Variants in IGF1R observed in about 807,000 individuals in gnomAD.
The protein encoded by IGF1R is insulin-like growth factor 1 receptor.
In IGF1R, 44 loss-of-function variants were observed where a neutral mutation model predicts 144.6. The ratio of observed to expected loss-of-function variants is 0.30; its 90% CI spans 0.24 to 0.39. IGF1R has a LOEUF of 0.39. Among genes scored for constraint, IGF1R ranks in the 10% least tolerant of loss-of-function variants. The probability of loss-of-function intolerance (pLI) is 1.00; values close to 1 mark genes in which losing one functional copy is unlikely to be tolerated. For missense variants in IGF1R, 1,355 were observed against 1,833.7 expected, an observed-to-expected ratio of 0.74 and a Z score of 4.77; for synonymous variants, 795 against 722.8, an observed-to-expected ratio of 1.10 and a Z score of -1.60.
chr15:98,859,102 T>C (rs1172260924), intron 2 of IGF1R, among the ~76,000 whole-genome samples: 2 of 151,984 alleles, frequency 1.3e-5, no homozygotes, highest in Non-Finnish European at 2.9e-5. Flanking sequence ...AAGTCCAAAC[T>C]TTTTTTGGAC....
chr15:98,951,749 A>G (rs2016783335), intron 20 of IGF1R, among the ~76,000 whole-genome samples: 1 of 151,266 alleles, frequency 6.6e-6, no homozygotes, highest in South Asian at 2.1e-4. Context: ...GTGTCTCAGG[A>G]TGTGTAGCTG....
chr15:98,769,711 A>C (rs1194431001), intron 2 of IGF1R, among the ~76,000 whole-genome samples: 1 of 152,250 alleles, frequency 6.6e-6, no homozygotes, highest in Admixed American at 6.5e-5. Flanking sequence ...ACTTATCGAC[A>C]GTTCCGTTGT....
chr15:98,671,485 A>C (rs1199730312), intron 1 of IGF1R, among the ~76,000 whole-genome samples: 1 of 152,168 alleles, frequency 6.6e-6, no homozygotes, highest in Non-Finnish European at 1.5e-5. Flanking sequence ...TTATAGGGGC[A>C]AGATTTGTGT....
intron 13 of IGF1R, among the ~76,000 whole-genome samples, chr15:98,925,635 G>A (rs887459310): frequency 6.6e-6 from 1 of 152,238 alleles, no homozygotes; most frequent in African/African-American, 2.4e-5. Context: ...GGGTGCAGTG[G>A]CTCACGCCTG....
intron 15 of IGF1R, among the ~76,000 whole-genome samples, chr15:98,934,346 C>T (rs148259805): frequency 6.6e-6 from 1 of 152,228 alleles, no homozygotes; most frequent in East Asian, 1.9e-4. Flanking sequence ...TTTCCCGACC[C>T]AGCATAAGAA....
At chr15:98,673,456 C>G (rs1409047922) in intron 1 of IGF1R, among the ~76,000 whole-genome samples, 1 of 152,150 alleles carries the variant, frequency 6.6e-6, no homozygotes, top group African/African-American at 2.4e-5. Flanking sequence ...GAGGCTCTCT[C>G]AATAATAGAA....
chr15:98,856,345 T>C (rs1443609328), intron 2 of IGF1R, among the ~76,000 whole-genome samples: 1 of 152,250 alleles, frequency 6.6e-6, no homozygotes, highest in Non-Finnish European at 1.5e-5. Context: ...TTTCTGACTA[T>C]ACATCTCTAG....
At chr15:98,810,124 G>A (rs1221794971) in intron 2 of IGF1R, among the ~76,000 whole-genome samples, 4 of 131,916 alleles carry the variant, frequency 3.0e-5, no homozygotes, top group African/African-American at 8.3e-5. Flanking sequence ...CAGCTTTGTA[G>A]AAAGGCATGG....
chr15:98,741,635 A>G (rs41392749), intron 2 of IGF1R, among the ~76,000 whole-genome samples: 1,600 of 152,340 alleles, frequency 0.011, 30 homozygotes, highest in African/African-American at 0.036. Context: ...GAACAGAGCT[A>G]GTCCAGCACT....
At chr15:98,749,203 C>T (rs148732810) in intron 2 of IGF1R, among the ~76,000 whole-genome samples, 8 of 150,176 alleles carry the variant, frequency 5.3e-5, no homozygotes, top group Admixed American at 1.3e-4. Context: ...CTTTTTATTA[C>T]GTAAATACCC....
rs1002330845 is a variant in IGF1R at position 98,804,317 on chromosome 15, G to T, written c.641-87008G>T. Among the ~76,000 whole-genome samples the T allele has an allele frequency of 3.3e-5, 5 of 152,130 alleles. No individual in the cohort carries two copies. In the East Asian group the frequency reaches 7.7e-4, roughly 23 times the overall value. On this transcript the variant is annotated intron_variant, in intron 2 of 20. Transcript: ENST00000650285. ...GAATGCCATGAAATATCTAGTTGGG[G>T]CATTATCTGCCATTTTGCAAGGTAA...
At chr15:98,844,570 C>T (rs922179250) in intron 2 of IGF1R, among the ~76,000 whole-genome samples, 1 of 151,918 alleles carries the variant, frequency 6.6e-6, no homozygotes, top group Non-Finnish European at 1.5e-5. Flanking sequence ...GTAAATGTAA[C>T]TGACATTTCC....
rs746122801 is a variant in IGF1R at position 98,961,474 on chromosome 15, A to AC, written c.*4034dup. 7.7e-5 allele frequency: 18 copies of AC among 233,370 alleles called. No individual in the cohort carries two copies. The highest frequency in any genetic ancestry group is 1.4e-4 in the Non-Finnish European group (16 of 118,050). 14.5% of individuals were successfully genotyped at this position (233,370 alleles called of 1,614,324 possible). On this transcript the variant is annotated 3_prime_UTR_variant, in exon 21 of 21. Transcript: ENST00000650285. ...GGACCAACCCACCCACCTTGACTATACCAAGGCATCATCTATCCACAGTTC... is the reference window on the plus strand; with the variant it reads ...GGACCAACCCACCCACCTTGACTATACCCAAGGCATCATCTATCCACAGTTC...
At chr15:98,780,674 T>C (rs2055841822) in intron 2 of IGF1R, among the ~76,000 whole-genome samples, 1 of 151,998 alleles carries the variant, frequency 6.6e-6, no homozygotes, top group Non-Finnish European at 1.5e-5. Flanking sequence ...TATTTACAGA[T>C]GAAATTAACA....
At chr15:98,903,637 A>G (rs558869048) in intron 5 of IGF1R, among the ~76,000 whole-genome samples, 12 of 152,342 alleles carry the variant, frequency 7.9e-5, no homozygotes, top group African/African-American at 2.6e-4. Context: ...CCCCAGCCCA[A>G]AAGAAAGACC....
intron 2 of IGF1R, among the ~76,000 whole-genome samples, chr15:98,753,022 G>A (rs1393279037): frequency 4.2e-5 from 6 of 142,564 alleles, no homozygotes; most frequent in Non-Finnish European, 6.0e-5. Flanking sequence ...TGCAACCTCC[G>A]CCTCCAGGGT....
At chr15:98,888,438 A>AGAGAGTGTGT (rs1555457179) in intron 2 of IGF1R, among the ~76,000 whole-genome samples, 33,131 of 143,188 alleles carry the variant, frequency 0.23, 3,965 homozygotes, top group Non-Finnish European at 0.26. Flanking sequence ...AGAGAGAGAG[A>AGAGAGTGTGT]GTGTGTGTGT....
At chr15:98,848,063 G>C (rs1176915383) in intron 2 of IGF1R, among the ~76,000 whole-genome samples, 1 of 152,172 alleles carries the variant, frequency 6.6e-6, no homozygotes, top group Non-Finnish European at 1.5e-5. Flanking sequence ...GACCCTAGAA[G>C]AGCTAGCAGC....
intron 13 of IGF1R, among the ~76,000 whole-genome samples, chr15:98,925,796 T>G (rs2015692402): frequency 6.6e-6 from 1 of 152,072 alleles, no homozygotes; most frequent in Admixed American, 6.5e-5. Flanking sequence ...CCCAGCTACT[T>G]GGGAGGTTGA....
Sources: allele counts gnomAD v4.1 joint callset (sites outside exome capture counted in the v4.1 genomes callset), GRCh38; gene constraint gnomAD v4.1.1; transcripts MANE v1.5; gene names NCBI Gene and HGNC (gene_info 2026-07-23, HGNC 2026-07-21).